Variants in LAMA2 observed in about 807,000 individuals in gnomAD.
LAMA2 encodes the protein laminin subunit alpha-2.
A neutral mutation model predicts 364.8 loss-of-function variants in LAMA2; 269 were observed. That is an observed-to-expected ratio of 0.74 (90% confidence interval 0.67 to 0.82). LAMA2 has a LOEUF of 0.82. LAMA2 is among the 40% of genes least tolerant of loss of function. LAMA2 has a pLI of 0.00. For missense variants in LAMA2, 3,807 were observed against 3,873.2 expected (o/e 0.98, Z 0.45); for synonymous variants, 1,379 against 1,370.6 (o/e 1.01, Z -0.14).
At chr6:129,422,804 A>G (rs1211268752) in intron 40 of LAMA2, among the ~76,000 whole-genome samples, 39 of 152,168 alleles carry the variant, frequency 2.6e-4, no homozygotes, top group Admixed American at 2.6e-3. Context: ...AAAATTGAAG[A>G]GGAGAAAATA....
intron 12 of LAMA2, among the ~76,000 whole-genome samples, chr6:129,234,637 T>G (rs1394653233): frequency 6.6e-6 from 1 of 152,200 alleles, no homozygotes; most frequent in Non-Finnish European, 1.5e-5. Context: ...GTACATTTTA[T>G]AAATAGCTGC....
chr6:129,477,474 ATGAT>A (rs1181052834), intron 53 of LAMA2, among the ~76,000 whole-genome samples: 1 of 152,168 alleles, frequency 6.6e-6, no homozygotes, highest in Non-Finnish European at 1.5e-5. Context: ...TGTAGGTACT[ATGAT>A]TATTATTATC....
In LAMA2 at chr6:129,019,250, T is replaced by TTA. The variant is rs1331881718; in HGVS notation, c.113-30667_113-30666insAT. Among the ~76,000 whole-genome samples, 8 of 151,798 alleles carry TTA rather than the reference T, an allele frequency of 5.3e-5. No homozygotes were observed. In the East Asian group the frequency reaches 1.5e-3, roughly 29 times the overall value. On this transcript the variant is annotated intron_variant, in intron 1 of 64. Coordinates refer to ENST00000421865, the MANE Select transcript of LAMA2 (RefSeq NM_000426.4). ...TGCAATATACAAAATGGCAGGCCCA[T>TTA]TCAATTTATATACTTATTCCTTCAA... is the stretch of plus-strand genomic sequence containing the variant.
At chr6:129,465,713 G>A (rs1783508627) in intron 51 of LAMA2, among the ~76,000 whole-genome samples, 1 of 151,862 alleles carries the variant, frequency 6.6e-6, no homozygotes, top group African/African-American at 2.4e-5. Flanking sequence ...TTGTATGCCT[G>A]CAAGTAAATA....
chr6:129,171,421 C>T (rs1780144620), intron 9 of LAMA2, among the ~76,000 whole-genome samples: 1 of 151,622 alleles, frequency 6.6e-6, no homozygotes, highest in African/African-American at 2.4e-5. Flanking sequence ...TTTTATTTCT[C>T]CTTCGCTTAT....
intron 1 of LAMA2, among the ~76,000 whole-genome samples, chr6:129,044,903 T>C (rs945662311): frequency 6.6e-6 from 1 of 152,152 alleles, no homozygotes; most frequent in Non-Finnish European, 1.5e-5. Flanking sequence ...AAGTAACACA[T>C]ATTGAATATG....
At chr6:128,905,807 C>T (rs1233797409) in intron 1 of LAMA2, among the ~76,000 whole-genome samples, 1 of 151,696 alleles carries the variant, frequency 6.6e-6, no homozygotes, top group East Asian at 2.0e-4. Flanking sequence ...ACAACAGTCC[C>T]CAGAGTGTGA....
At chr6:129,484,591 GA>G (rs1450218953) in intron 55 of LAMA2, among the ~76,000 whole-genome samples, 5 of 151,896 alleles carry the variant, frequency 3.3e-5, no homozygotes, top group African/African-American at 1.2e-4. Flanking sequence ...CAAGGAATAA[GA>G]AAAAGGAATA....
intron 57 of LAMA2, 103 bp downstream of exon 57, chr6:129,492,180 G>A: frequency 7.1e-7 from 1 of 1,403,632 alleles, no homozygotes; most frequent in Non-Finnish European, 1.0e-6. Flanking sequence ...AGGGGAGGAG[G>A]GAAACAATGA....
intron 12 of LAMA2, among the ~76,000 whole-genome samples, chr6:129,232,229 T>C (rs1442102139): frequency 6.6e-6 from 1 of 152,160 alleles, no homozygotes; most frequent in Non-Finnish European, 1.5e-5. Flanking sequence ...AAATTTATTT[T>C]GGAGTTTAAC....
At chr6:128,946,918 G>A (rs187068829) in intron 1 of LAMA2, among the ~76,000 whole-genome samples, 61 of 152,246 alleles carry the variant, frequency 4.0e-4, no homozygotes, top group African/African-American at 1.4e-3. Context: ...GAGATATACT[G>A]TTAAACCAAA....
At chr6:129,014,332 A>G (rs1784950590) in intron 1 of LAMA2, among the ~76,000 whole-genome samples, 1 of 152,150 alleles carries the variant, frequency 6.6e-6, no homozygotes, top group Non-Finnish European at 1.5e-5. Context: ...CTAGAACTGC[A>G]TTTGTCCCCT....
intron 12 of LAMA2, 37 bp downstream of exon 12, chr6:129,192,890 C>T: frequency 6.3e-7 from 1 of 1,596,062 alleles, no homozygotes. Context: ...TCTGCTTTAA[C>T]TGACTGATCG....
chr6:129,158,235 A>G, intron 8 of LAMA2: 2 of 1,613,996 alleles, frequency 1.2e-6, no homozygotes, highest in Non-Finnish European at 1.7e-6. Flanking sequence ...TGTACCTTTA[A>G]TATCTGCCGC....
chr6:129,095,754 CA>C (rs57713069), intron 3 of LAMA2, among the ~76,000 whole-genome samples: 9,505 of 93,968 alleles, frequency 0.1, 355 homozygotes, highest in Middle Eastern at 0.24. Flanking sequence ...CTACTAAATA[CA>C]AAAAAAAAAA....
At chr6:129,377,247 A>G (rs1354114300) in intron 34 of LAMA2, among the ~76,000 whole-genome samples, 2 of 152,152 alleles carry the variant, frequency 1.3e-5, no homozygotes, top group East Asian at 3.8e-4. Context: ...AAATTTAATG[A>G]AAATGAAACA....
At chr6:129,439,779 C>T (rs573223809) in intron 42 of LAMA2, among the ~76,000 whole-genome samples, 1 of 147,588 alleles carries the variant, frequency 6.8e-6, no homozygotes, top group African/African-American at 2.5e-5. Flanking sequence ...AATCCTCATA[C>T]CAATTGGAGC....
intron 4 of LAMA2, among the ~76,000 whole-genome samples, chr6:129,141,563 G>T: frequency 6.6e-6 from 1 of 152,000 alleles, no homozygotes; most frequent in South Asian, 2.1e-4. Flanking sequence ...TCTCATCTCA[G>T]AGTTTGCTGT....
At chr6:128,978,890 G>T (rs1014341526) in intron 1 of LAMA2, among the ~76,000 whole-genome samples, 2 of 152,168 alleles carry the variant, frequency 1.3e-5, no homozygotes, top group Admixed American at 6.5e-5. Context: ...CAGGAACATA[G>T]TTCCTCTCCT....
Sources: gnomAD v4.1 joint callset for allele counts (sites outside exome capture counted in the v4.1 genomes callset) on GRCh38, gnomAD v4.1.1 for gene constraint, MANE v1.5 for transcripts, NCBI Gene and HGNC (gene_info 2026-07-23, HGNC 2026-07-21) for gene names.